The following SNX29 variants were observed in gnomAD, a reference collection of about 807,000 sequenced individuals.
The protein encoded by SNX29 is sorting nexin-29.
Under a neutral mutation model 102.1 loss-of-function variants are expected in SNX29, and 78 were observed. The ratio of observed to expected loss-of-function variants is 0.76; its 90% CI spans 0.64 to 0.92. The LOEUF (loss-of-function observed/expected upper bound fraction) is 0.92. Among genes scored for constraint, SNX29 ranks in the 40% least tolerant of loss-of-function variants. SNX29 has a pLI of 0.00. For synonymous variants in SNX29, 580 were observed against 414.5 expected, an observed-to-expected ratio of 1.40 and a Z score of -4.85; for missense variants, 1,280 against 1,061.7, an observed-to-expected ratio of 1.21 and a Z score of -2.86.
intron 14 of SNX29, among the ~76,000 whole-genome samples, chr16:12,216,823 C>A (rs1038656447): frequency 6.6e-6 from 1 of 150,620 alleles, no homozygotes; most frequent in Non-Finnish European, 1.5e-5. Context: ...TTCATCTTCT[C>A]CATTTCTAGT....
chr16:11,999,000 T>C (rs1189609259), intron 1 of SNX29, among the ~76,000 whole-genome samples: 2 of 152,228 alleles, frequency 1.3e-5, no homozygotes, highest in Non-Finnish European at 2.9e-5. Flanking sequence ...TGTGTGCTAA[T>C]GCCACGTAGT....
At position 12,057,291 on chromosome 16, in the gene SNX29, G is replaced by A. The variant is rs2050560171; in HGVS notation, c.1125-4237G>A. Among the ~76,000 whole-genome samples, 3 of 152,302 alleles carry A rather than the reference G, an allele frequency of 2.0e-5. No homozygotes were observed. The South Asian group carries it at 6.2e-4, about 32-fold the overall frequency. On this transcript the variant is annotated intron_variant, in intron 8 of 20. Transcript: ENST00000566228. The stretch of plus-strand genomic sequence containing the variant: ...TCCATATTTTGCCCATCATATTTGC[G>A]GAGACCTTGGGTTGGCGCCCTGGTG...
intron 20 of SNX29, among the ~76,000 whole-genome samples, chr16:12,562,913 CG>C (rs1163226854): frequency 6.6e-6 from 1 of 152,162 alleles, no homozygotes; most frequent in Non-Finnish European, 1.5e-5. Flanking sequence ...GCTTGAGATT[CG>C]TCCATGTTGC....
chr16:12,238,666 C>T (rs370533288), intron 14 of SNX29, among the ~76,000 whole-genome samples: 1 of 152,162 alleles, frequency 6.6e-6, no homozygotes, highest in East Asian at 1.9e-4. Flanking sequence ...GACCGCAAAC[C>T]GCTGCATTGC....
intron 14 of SNX29, among the ~76,000 whole-genome samples, chr16:12,242,126 C>A (rs965591983): frequency 6.6e-6 from 1 of 151,674 alleles, no homozygotes; most frequent in Non-Finnish European, 1.5e-5. Flanking sequence ...CTTCCCCAGC[C>A]AAAAATGGGT....
intron 19 of SNX29, among the ~76,000 whole-genome samples, chr16:12,515,782 A>T (rs536291138): frequency 6.6e-6 from 1 of 152,118 alleles, no homozygotes; most frequent in Non-Finnish European, 1.5e-5. Context: ...TGCCTTGGAC[A>T]TATGCAGGCA....
chr16:12,563,135 G>A (rs879530056), intron 20 of SNX29, among the ~76,000 whole-genome samples: 39 of 152,206 alleles, frequency 2.6e-4, no homozygotes, highest in African/African-American at 6.5e-4. Context: ...GTCGCCACAC[G>A]TCCTCATCCC....
chr16:12,386,801 T>C (rs908566666), intron 16 of SNX29, among the ~76,000 whole-genome samples: 1 of 152,108 alleles, frequency 6.6e-6, no homozygotes, highest in Non-Finnish European at 1.5e-5. Context: ...GGCCTTCTTT[T>C]CCAGAAGAGA....
intron 16 of SNX29, among the ~76,000 whole-genome samples, chr16:12,383,116 G>C (rs1258891602): frequency 6.6e-6 from 1 of 152,058 alleles, no homozygotes; most frequent in African/African-American, 2.4e-5. Context: ...CTCAATATAA[G>C]CCTTTAGACA....
intron 14 of SNX29, among the ~76,000 whole-genome samples, chr16:12,200,525 C>T (rs1226257402): frequency 3.3e-5 from 5 of 151,854 alleles, no homozygotes; most frequent in Non-Finnish European, 7.4e-5. Flanking sequence ...CTCTACCGCC[C>T]AGGATGGAGT....
At chr16:12,240,568 G>T in intron 14 of SNX29, among the ~76,000 whole-genome samples, 1 of 124,552 alleles carries the variant, frequency 8.0e-6, no homozygotes, top group African/African-American at 3.0e-5. Context: ...TTATAAAATA[G>T]CATTTCTTTG....
intron 20 of SNX29, among the ~76,000 whole-genome samples, chr16:12,545,972 C>T (rs988730101): frequency 6.6e-6 from 1 of 152,166 alleles, no homozygotes; most frequent in African/African-American, 2.4e-5. Flanking sequence ...ATGTGTGCTT[C>T]AGTGGGCACT....
intron 14 of SNX29, among the ~76,000 whole-genome samples, chr16:12,237,015 G>A (rs928429125): frequency 4.6e-5 from 7 of 152,272 alleles, no homozygotes; most frequent in Non-Finnish European, 8.8e-5. Flanking sequence ...TTGGACCTCC[G>A]GCTGGCTGGG....
chr16:12,069,370 A>C (rs1476617869), intron 10 of SNX29, among the ~76,000 whole-genome samples: 1 of 151,546 alleles, frequency 6.6e-6, no homozygotes, highest in Non-Finnish European at 1.5e-5. Flanking sequence ...AGATCAAGCG[A>C]TTCTCTTGCC....
chr16:12,111,056 C>G (rs1009215054), intron 11 of SNX29, among the ~76,000 whole-genome samples: 1 of 152,096 alleles, frequency 6.6e-6, no homozygotes, highest in Non-Finnish European at 1.5e-5. Flanking sequence ...AAGTGATCCT[C>G]CCACCTTGGC....
rs2079163742 is a variant in SNX29 at position 12,570,462 on chromosome 16, G to GCTC, written c.*1833_*1834insCTC. 2 of 235,718 alleles carry GCTC rather than the reference G, an allele frequency of 8.5e-6. No homozygotes were observed. Among genetic ancestry groups the GCTC allele is most frequent in the Non-Finnish European group, 1.7e-5 (2 of 120,602 alleles). 14.6% of individuals were successfully genotyped at this position (235,718 alleles called of 1,614,324 possible). ...GCCCTAATGGACTGAGGCAGGAAAC[G>GCTC]TCTAAAAGCTCAATCTGCTGTATGT... On this transcript the variant is annotated 3_prime_UTR_variant, in exon 21 of 21. Transcript: ENST00000566228.
At chr16:12,500,681 A>G (rs1041122044) in intron 19 of SNX29, among the ~76,000 whole-genome samples, 2 of 152,230 alleles carry the variant, frequency 1.3e-5, no homozygotes, top group African/African-American at 4.8e-5. Flanking sequence ...TCTGTGTACC[A>G]GTGACATCAG....
At chr16:12,528,536 C>T (rs1597754867) in intron 20 of SNX29, among the ~76,000 whole-genome samples, 1 of 152,158 alleles carries the variant, frequency 6.6e-6, no homozygotes, top group African/African-American at 2.4e-5. Context: ...TTGGTCACAG[C>T]ACCATTCCCC....
chr16:12,275,844 C>T (rs988176065), intron 14 of SNX29, among the ~76,000 whole-genome samples: 3 of 149,426 alleles, frequency 2.0e-5, no homozygotes, highest in Admixed American at 1.3e-4. Flanking sequence ...TGGGTACTTA[C>T]CATATTCATC....
Sources: allele counts gnomAD v4.1 joint callset (sites outside exome capture counted in the v4.1 genomes callset), GRCh38; gene constraint gnomAD v4.1.1; transcripts MANE v1.5; gene names NCBI Gene and HGNC (gene_info 2026-07-23, HGNC 2026-07-21).